SDK1: variants seen among roughly 807,000 people sequenced by gnomAD.
SDK1 encodes protein sidekick-1.
In SDK1, 157 loss-of-function variants were observed where a neutral mutation model predicts 245.5. That is an observed-to-expected ratio of 0.64 (90% confidence interval 0.56 to 0.73). SDK1 has a LOEUF of 0.73. Among genes scored for constraint, SDK1 ranks in the 30% least tolerant of loss-of-function variants. The pLI, the probability that SDK1 is intolerant of heterozygous loss-of-function variation, is 0.00. For synonymous variants in SDK1, 1,647 were observed against 1,278.5 expected, an observed-to-expected ratio of 1.29 and a Z score of -6.15; for missense variants, 3,583 against 3,002.3, an observed-to-expected ratio of 1.19 and a Z score of -4.52.
chr7:3,426,066 C>CTA (rs1779668172), intron 1 of SDK1, among the ~76,000 whole-genome samples: 2 of 152,200 alleles, frequency 1.3e-5, no homozygotes, highest in Non-Finnish European at 2.9e-5. Flanking sequence ...ATGGCGTGTT[C>CTA]TTTATCTTCC....
chr7:3,777,459 G>A (rs989768914), intron 4 of SDK1, among the ~76,000 whole-genome samples: 1 of 152,188 alleles, frequency 6.6e-6, no homozygotes, highest in African/African-American at 2.4e-5. Flanking sequence ...TACAGATGAG[G>A]AGACATTTTC....
intron 1 of SDK1, among the ~76,000 whole-genome samples, chr7:3,415,347 G>GC (rs199627335): frequency 1.3e-5 from 2 of 152,044 alleles, no homozygotes; most frequent in African/African-American, 2.4e-5. Context: ...TAGTGGAAGA[G>GC]TGTATTGCAG....
chr7:3,577,049 C>T (rs1022180434), intron 1 of SDK1, among the ~76,000 whole-genome samples: 3 of 151,892 alleles, frequency 2.0e-5, no homozygotes, highest in African/African-American at 7.2e-5. Flanking sequence ...CTCCTTATGC[C>T]CAATCCACCT....
intron 1 of SDK1, among the ~76,000 whole-genome samples, chr7:3,356,202 GTGCT>G (rs1780789775): frequency 6.6e-6 from 1 of 152,128 alleles, no homozygotes; most frequent in Admixed American, 6.5e-5. Flanking sequence ...AATTGAGACA[GTGCT>G]TGCCCTTCTC....
At chr7:3,935,545 C>G (rs537511311) in intron 5 of SDK1, among the ~76,000 whole-genome samples, 3 of 152,106 alleles carry the variant, frequency 2.0e-5, no homozygotes, top group African/African-American at 7.2e-5. Context: ...AAAAAATAAG[C>G]TGATTTAAAA....
intron 5 of SDK1, among the ~76,000 whole-genome samples, chr7:3,822,397 A>G (rs995115058): frequency 1.3e-5 from 2 of 152,194 alleles, no homozygotes; most frequent in African/African-American, 2.4e-5. Flanking sequence ...AGTGAATTAT[A>G]TTGATTTGTT....
rs529934106 is a variant in SDK1, at chr7:3,838,584, C to G, written c.847+17001C>G. 2.7e-4 allele frequency among the ~76,000 whole-genome samples: 41 copies of G among 152,304 alleles called. No homozygotes were observed. The South Asian group carries it at 8.3e-3, about 31-fold the overall frequency. ...AGCCCTGCTTGGCAGAGGGTGCAAA[C>G]AGAACTGTCTATGACCAGCCTCTGG... On this transcript the variant is annotated intron_variant, in intron 5 of 44. Transcript: ENST00000404826.
chr7:3,625,482 A>T (rs1782087348), intron 2 of SDK1, among the ~76,000 whole-genome samples: 1 of 152,208 alleles, frequency 6.6e-6, no homozygotes, highest in Non-Finnish European at 1.5e-5. Context: ...TGTGAATGTC[A>T]TCCCAGGAAG....
intron 1 of SDK1, among the ~76,000 whole-genome samples, chr7:3,402,636 C>CT (rs536585439): frequency 6.6e-6 from 1 of 151,972 alleles, no homozygotes; most frequent in African/African-American, 2.4e-5. Context: ...TTTGTTGTTG[C>CT]TTTTTTTCAT....
intron 1 of SDK1, among the ~76,000 whole-genome samples, chr7:3,537,884 T>G (rs950058311): frequency 2.0e-5 from 3 of 152,202 alleles, no homozygotes; most frequent in African/African-American, 7.2e-5. Context: ...ATCTCCCTGT[T>G]TTCAGTGAGG....
intron 30 of SDK1, among the ~76,000 whole-genome samples, chr7:4,151,705 C>T (rs986054037): frequency 2.0e-5 from 3 of 152,218 alleles, no homozygotes; most frequent in African/African-American, 7.2e-5. Context: ...ACACCACTTC[C>T]ATGTGTCATT....
chr7:4,068,766 G>A (rs1480564784), intron 20 of SDK1, among the ~76,000 whole-genome samples: 1 of 151,286 alleles, frequency 6.6e-6, no homozygotes, highest in Admixed American at 6.6e-5. Context: ...CTCTCGCCCA[G>A]GCTGGAGTGC....
intron 4 of SDK1, among the ~76,000 whole-genome samples, chr7:3,690,029 A>G (rs1784401502): frequency 6.6e-6 from 1 of 152,246 alleles, no homozygotes; most frequent in Non-Finnish European, 1.5e-5. Context: ...ATGTTTTTGC[A>G]AAAATATTCA....
intron 1 of SDK1, among the ~76,000 whole-genome samples, chr7:3,455,602 G>A (rs888143908): frequency 6.6e-6 from 1 of 152,044 alleles, no homozygotes; most frequent in Non-Finnish European, 1.5e-5. Flanking sequence ...CTTACTGTGT[G>A]TCTTTCTGGC....
At chr7:3,398,496 A>C (rs73296363) in intron 1 of SDK1, among the ~76,000 whole-genome samples, 9,465 of 151,948 alleles carry the variant, frequency 0.062, 828 homozygotes, top group African/African-American at 0.2. Flanking sequence ...AGGTCACATA[A>C]AGTTCTGACA....
chr7:4,007,427 A>G (rs1239714547), intron 14 of SDK1, among the ~76,000 whole-genome samples: 1 of 152,078 alleles, frequency 6.6e-6, no homozygotes, highest in Non-Finnish European at 1.5e-5. Context: ...ATCTACAGGA[A>G]GCCTCGGGGC....
chr7:3,739,004 T>C (rs969465719), intron 4 of SDK1, among the ~76,000 whole-genome samples: 1 of 152,138 alleles, frequency 6.6e-6, no homozygotes, highest in Non-Finnish European at 1.5e-5. Flanking sequence ...TTTTCTTATA[T>C]AAGATCGTTT....
chr7:4,129,800 A>T, intron 26 of SDK1, 108 bp from the exon 27 acceptor site: 1 of 1,547,444 alleles, frequency 6.5e-7, no homozygotes, highest in Non-Finnish European at 8.7e-7. Flanking sequence ...CTCAGGGAGA[A>T]AGCACAGTTG....
chr7:3,969,542 G>A (rs1178708462), intron 11 of SDK1, 118 bp downstream of exon 11: 2 of 681,108 alleles, frequency 2.9e-6, no homozygotes, highest in South Asian at 1.0e-4. Context: ...AAAAGAGAAT[G>A]ATTATTTTTA....
Sources: allele counts gnomAD v4.1 joint callset (sites outside exome capture counted in the v4.1 genomes callset), GRCh38; gene constraint gnomAD v4.1.1; transcripts MANE v1.5; gene names NCBI Gene and HGNC (gene_info 2026-07-23, HGNC 2026-07-21).